The following LEF1 variants were observed in gnomAD, a reference collection of about 807,000 sequenced individuals.
LEF1 encodes the protein lymphoid enhancer binding factor 1.
LEF1 carries 14 observed loss-of-function variants against 51.2 expected under a neutral mutation model. The ratio of observed to expected loss-of-function variants is 0.27; its 90% CI spans 0.18 to 0.43. The LOEUF (loss-of-function observed/expected upper bound fraction) is 0.43, where lower values mean the gene tolerates loss of function less well. Among genes scored for constraint, LEF1 ranks in the 20% least tolerant of loss-of-function variants. LEF1 has a pLI of 1.00. For synonymous variants in LEF1, 185 were observed against 183.2 expected (o/e 1.01, Z -0.08); for missense variants, 386 against 512.0 (o/e 0.75, Z 2.37).
chr4:108,076,770 T>G (rs892307366), intron 8 of LEF1, among the ~76,000 whole-genome samples: 1 of 151,990 alleles, frequency 6.6e-6, no homozygotes, highest in East Asian at 1.9e-4. Flanking sequence ...AGAATGATAA[T>G]GGGGCTTTAG....
intron 3 of LEF1, among the ~76,000 whole-genome samples, chr4:108,131,460 CA>C (rs1252523828): frequency 6.6e-6 from 1 of 151,208 alleles, no homozygotes; most frequent in African/African-American, 2.4e-5. Flanking sequence ...CACAGCTATG[CA>C]AAAGACCACC....
chr4:108,103,989 T>C (rs574617534), intron 3 of LEF1, among the ~76,000 whole-genome samples: 1 of 152,270 alleles, frequency 6.6e-6, no homozygotes, highest in African/African-American at 2.4e-5. Context: ...TGTTAAAAAC[T>C]GAAAACAACT....
intron 3 of LEF1, among the ~76,000 whole-genome samples, chr4:108,127,309 G>C (rs1236808324): frequency 6.6e-6 from 1 of 152,146 alleles, no homozygotes; most frequent in African/African-American, 2.4e-5. Flanking sequence ...CTAGGAGACT[G>C]CTAAAGGAAT....
chr4:108,071,615 T>C (rs1254606188), intron 8 of LEF1: 3 of 152,206 alleles, frequency 2.0e-5, no homozygotes, highest in Non-Finnish European at 2.9e-5. Context: ...TTTAAGGGGT[T>C]TACATTTGCA....
intron 7 of LEF1, 23 bp from the exon 8 acceptor site, chr4:108,078,405 G>A (rs371663432): frequency 6.2e-7 from 1 of 1,613,996 alleles, no homozygotes; most frequent in Middle Eastern, 1.6e-4. Flanking sequence ...GGTGGTGGTG[G>A]TTAGGGGAAG....
At chr4:108,063,502 C>T (rs1460982707) in intron 11 of LEF1, 121 bp downstream of exon 11, 2 of 761,196 alleles carry the variant, frequency 2.6e-6, no homozygotes, top group Non-Finnish European at 4.5e-6. Context: ...TTTGATTTTG[C>T]TGAGTTCTCC....
At chr4:108,067,825 T>C (rs772997641) in intron 9 of LEF1, among the ~76,000 whole-genome samples, 28 of 151,990 alleles carry the variant, frequency 1.8e-4, no homozygotes, top group Non-Finnish European at 3.8e-4. Context: ...CCACCATGGC[T>C]GGCCAGAAGA....
intron 3 of LEF1, among the ~76,000 whole-genome samples, chr4:108,147,925 T>C (rs1005024134): frequency 6.6e-5 from 10 of 152,232 alleles, no homozygotes; most frequent in African/African-American, 9.6e-5. Flanking sequence ...AGCCACTACA[T>C]GACATATGTA....
chr4:108,124,106 C>T (rs1484831768), intron 3 of LEF1, among the ~76,000 whole-genome samples: 1 of 152,170 alleles, frequency 6.6e-6, no homozygotes, highest in Non-Finnish European at 1.5e-5. Context: ...TATGATTGCA[C>T]TCCAGCCTGT....
At chr4:108,139,878 T>A (rs997000275) in intron 3 of LEF1, among the ~76,000 whole-genome samples, 3 of 152,096 alleles carry the variant, frequency 2.0e-5, no homozygotes, top group Non-Finnish European at 4.4e-5. Flanking sequence ...GTTCAGATAG[T>A]TATAATTAAT....
chr4:108,079,614 C>A lies in LEF1; in HGVS notation c.723G>T (p.Arg241Ser), dbSNP rs373162182. The A allele has an allele frequency of 2.8e-5, 45 of 1,613,874 alleles. No individual in the cohort carries two copies. The highest frequency in any genetic ancestry group is 3.7e-5 in the Non-Finnish European group (44 of 1,179,986). ...SSLSVDTSMS[R>S]FSHHMIPGPP... is the part of the protein sequence containing the mutation. ...GACCGGGAATCATATGATGGGAAAA[C>A]CTGAAAGGAGGAAAGAGAAGAAAAC... The change falls in exon 7 of 12, where the codon AGG becomes AGT. Residue 241 changes from arginine (R) to serine (S), a missense_variant and splice_region_variant. Transcript: ENST00000265165.
Position 108,070,647 on chromosome 4 carries a change from T to C in LEF1, c.1116+16A>G, listed in dbSNP as rs759485587. 4 of 1,534,218 alleles carry C rather than the reference T, an allele frequency of 2.6e-6. No individual in the cohort carries two copies. The highest frequency in any genetic ancestry group is 3.6e-6 in the Non-Finnish European group (4 of 1,107,570). The stretch of plus-strand genomic sequence containing the variant: ...GAGTGAGAGTGGAGAGCCACTGGTA[T>C]GGAGGAGGGGCTTACATAATTGTCT... On this transcript the variant is annotated intron_variant, in intron 9 of 11. Transcript: ENST00000265165.
At chr4:108,074,678 G>C (rs1350374903) in intron 8 of LEF1, among the ~76,000 whole-genome samples, 1 of 152,186 alleles carries the variant, frequency 6.6e-6, no homozygotes, top group Non-Finnish European at 1.5e-5. Context: ...TGAAAGGATA[G>C]AAAACCTGAT....
At chr4:108,148,219 G>A (rs1744115492) in intron 3 of LEF1, among the ~76,000 whole-genome samples, 1 of 151,832 alleles carries the variant, frequency 6.6e-6, no homozygotes, top group African/African-American at 2.4e-5. Context: ...ATAGTTCTGA[G>A]TTTCTGAGTT....
chr4:108,103,108 C>T (rs556432599), intron 3 of LEF1, among the ~76,000 whole-genome samples: 4 of 152,340 alleles, frequency 2.6e-5, no homozygotes, highest in African/African-American at 4.8e-5. Context: ...CAAAAGTTGA[C>T]CTAGAGTGGG....
intron 3 of LEF1, among the ~76,000 whole-genome samples, chr4:108,142,717 T>C (rs542534324): frequency 1.9e-4 from 29 of 152,344 alleles, no homozygotes; most frequent in African/African-American, 6.5e-4. Flanking sequence ...CCTTCCGTTA[T>C]TCCAATTCTA....
chr4:108,078,523 T>C (rs1739071785), intron 7 of LEF1, 141 bp from the exon 8 acceptor site: 11 of 1,009,654 alleles, frequency 1.1e-5, no homozygotes, highest in Middle Eastern at 2.6e-4. Context: ...ACCACCAACT[T>C]GGAAGAGCAG....
chr4:108,161,086 CACAA>C (rs1206765631), intron 3 of LEF1, among the ~76,000 whole-genome samples: 2 of 152,196 alleles, frequency 1.3e-5, no homozygotes, highest in African/African-American at 4.8e-5. Context: ...ATGTTAGTGA[CACAA>C]ACACTCAGCC....
rs140956151 is a variant in LEF1, at chr4:108,079,791, C to T, written c.723-177G>A. 8.6e-3 allele frequency among the ~76,000 whole-genome samples: 1,298 copies of T among 150,256 alleles called. 16 individuals are homozygous for T. Among genetic ancestry groups the T allele is most frequent in the African/African-American group, 0.029 (1,175 of 40,968 alleles). ...ATAATTATTTTTTTCTTTCTATATTCGGGTGGAAAAAAAAAAGTGAATCAT... is the reference window on the plus strand; with the variant it reads ...ATAATTATTTTTTTCTTTCTATATTTGGGTGGAAAAAAAAAAGTGAATCAT... On this transcript the variant is annotated intron_variant, in intron 6 of 11. Coordinates refer to ENST00000265165, the MANE Select transcript of LEF1 (RefSeq NM_016269.5).
Sources: allele counts gnomAD v4.1 joint callset (sites outside exome capture counted in the v4.1 genomes callset), GRCh38; gene constraint gnomAD v4.1.1; transcripts MANE v1.5; gene names NCBI Gene and HGNC (gene_info 2026-07-23, HGNC 2026-07-21).